CMIP: variants seen among roughly 807,000 people sequenced by gnomAD.
CMIP encodes c-Maf inducing protein.
CMIP carries 13 observed loss-of-function variants against 97.3 expected under a neutral mutation model. The observed-to-expected ratio is 0.13, with a 90% CI of 0.09 to 0.21. CMIP has a LOEUF of 0.21. Ranked by LOEUF, CMIP falls within the 10% of genes least tolerant of loss-of-function variation. The pLI, the probability that CMIP is intolerant of heterozygous loss-of-function variation, is 1.00. For missense variants in CMIP, 847 were observed against 1,024.9 expected (o/e 0.83, Z 2.37); for synonymous variants, 538 against 436.3 (o/e 1.23, Z -2.91).
intron 14 of CMIP, chr16:81,697,570 A>C: frequency 6.6e-6 from 1 of 152,230 alleles, no homozygotes; most frequent in Non-Finnish European, 1.5e-5. Flanking sequence ...TGCCAGCTTC[A>C]GCCCCTCGTC....
At chr16:81,545,653 A>G (rs1014849494) in intron 1 of CMIP, among the ~76,000 whole-genome samples, 10 of 152,100 alleles carry the variant, frequency 6.6e-5, no homozygotes, top group Admixed American at 6.6e-4. Flanking sequence ...GCTCACGGTA[A>G]AACTAGGGCA....
At chr16:81,584,134 G>A (rs889796501) in intron 1 of CMIP, among the ~76,000 whole-genome samples, 2 of 152,110 alleles carry the variant, frequency 1.3e-5, no homozygotes, top group Non-Finnish European at 2.9e-5. Context: ...AGCAGTAGGC[G>A]TGGTTGCCAC....
chr16:81,683,918 G>A (rs995800888), intron 10 of CMIP, among the ~76,000 whole-genome samples: 2 of 151,198 alleles, frequency 1.3e-5, no homozygotes, highest in African/African-American at 4.9e-5. Context: ...CTACCGCCTA[G>A]CCCGGCTAAT....
At position 81,691,803 on chromosome 16, in the gene CMIP, C is replaced by T. The variant is rs1252063247; in HGVS notation, c.1417C>T (p.Leu473=). 5.0e-6 allele frequency: 8 copies of T among 1,613,874 alleles called. No individual in the cohort carries two copies. The highest frequency in any genetic ancestry group is 6.8e-6 in the Non-Finnish European group (8 of 1,179,874). ...LSDYDDWRPS[L]ASLLQPIPFP... is the part of the protein sequence containing the mutation. Reference sequence around the variant, plus strand: ...AGACTATGATGACTGGAGACCGTCTCTGGCCAGTTTGCTTCAACCCATTCC... The same window carrying T: ...AGACTATGATGACTGGAGACCGTCTTTGGCCAGTTTGCTTCAACCCATTCC... Residue 473 remains leucine (L), a synonymous_variant, in exon 11 of 21, where the codon CTG becomes TTG. Transcript: ENST00000537098.
At chr16:81,667,789 AGAGAGAGAGAGTGTGTGTGTGT>A (rs1393016113) in intron 7 of CMIP, among the ~76,000 whole-genome samples, 8 of 109,400 alleles carry the variant, frequency 7.3e-5, no homozygotes, top group African/African-American at 2.6e-4. Context: ...AGAGAGAGAG[AGAGAGAGAGAGTGTGTGTGTGT>A]GTGTGTGTGT....
At chr16:81,477,033 G>A (rs1907967542) in intron 1 of CMIP, among the ~76,000 whole-genome samples, 1 of 151,982 alleles carries the variant, frequency 6.6e-6, no homozygotes, top group African/African-American at 2.4e-5. Context: ...TTTTTATCTC[G>A]TGGGGCTAAT....
chr16:81,689,237 T>A (rs1312157934), intron 10 of CMIP, among the ~76,000 whole-genome samples: 1 of 152,248 alleles, frequency 6.6e-6, no homozygotes, highest in African/African-American at 2.4e-5. Flanking sequence ...CTCCACACTG[T>A]CTTCCACAAT....
At chr16:81,525,966 G>C (rs1474929182) in intron 1 of CMIP, among the ~76,000 whole-genome samples, 2 of 146,078 alleles carry the variant, frequency 1.4e-5, no homozygotes, top group East Asian at 4.0e-4. Flanking sequence ...TTTAAAGGTT[G>C]ACTAATAATA....
chr16:81,628,241 G>T (rs893003044), intron 3 of CMIP, among the ~76,000 whole-genome samples: 4 of 152,118 alleles, frequency 2.6e-5, no homozygotes, highest in African/African-American at 9.7e-5. Context: ...GCCTCCCTGG[G>T]GAAGAGCCAC....
At chr16:81,653,151 G>A (rs1263955702) in intron 4 of CMIP, among the ~76,000 whole-genome samples, 2 of 152,190 alleles carry the variant, frequency 1.3e-5, no homozygotes, top group African/African-American at 4.8e-5. Flanking sequence ...TTGCTCACCT[G>A]GCCCTCTGGG....
chr16:81,544,423 G>A (rs904915516), intron 1 of CMIP, among the ~76,000 whole-genome samples: 6 of 143,508 alleles, frequency 4.2e-5, no homozygotes, highest in Admixed American at 2.1e-4. Context: ...ATCCTCAGGG[G>A]GTAAGTGTGT....
At position 81,527,310 on chromosome 16, in the gene CMIP, T is replaced by A. The variant is rs1298185628; in HGVS notation, c.301-80257T>A. On this transcript the variant is annotated intron_variant, in intron 1 of 20. Transcript: ENST00000537098. ...CACAGCCTGCATGCCAGAAATATCA[T>A]TTATCGTCAGTAATAATGATAATGC... is the stretch of plus-strand genomic sequence containing the variant. 3.3e-5 allele frequency among the ~76,000 whole-genome samples: 5 copies of A among 152,110 alleles called. No individual in the cohort carries two copies. In the East Asian group the frequency reaches 9.6e-4, roughly 29 times the overall value.
chr16:81,478,797 G>T (rs1347352663), intron 1 of CMIP, among the ~76,000 whole-genome samples: 2 of 152,198 alleles, frequency 1.3e-5, no homozygotes, highest in African/African-American at 4.8e-5. Context: ...CACTCAGGGA[G>T]GGGAGCAGGA....
At chr16:81,480,280 C>G (rs1908178586) in intron 1 of CMIP, among the ~76,000 whole-genome samples, 2 of 152,236 alleles carry the variant, frequency 1.3e-5, no homozygotes, top group African/African-American at 4.8e-5. Flanking sequence ...TGGCTCACGC[C>G]TGTAATCCCA....
chr16:81,479,170 A>G (rs559448920), intron 1 of CMIP, among the ~76,000 whole-genome samples: 3 of 152,326 alleles, frequency 2.0e-5, no homozygotes, highest in African/African-American at 7.2e-5. Context: ...CAGAGAAAAC[A>G]CATGCGTAGC....
At position 81,495,586 on chromosome 16, in the gene CMIP, A is replaced by T; in HGVS notation, c.300+50045A>T. The T allele has an allele frequency of 2.2e-6, 3 of 1,364,342 alleles. No individual in the cohort carries two copies. The South Asian group carries it at 3.7e-5, about 17-fold the overall frequency. 84.5% of individuals were successfully genotyped at this position (1,364,342 alleles called of 1,614,324 possible). A position where few individuals can be genotyped will look rare whatever the true frequency, so the allele number is the denominator to read the frequency against. ...TGCTGGCCACAGGCCAGTGAAATTCACAGACCCACTTCTCAGAGGGTGGGC... is the reference window on the plus strand; with the variant it reads ...TGCTGGCCACAGGCCAGTGAAATTCTCAGACCCACTTCTCAGAGGGTGGGC... On this transcript the variant is annotated intron_variant, in intron 1 of 20. Coordinates refer to ENST00000537098, the MANE Select transcript of CMIP (RefSeq NM_198390.3).
chr16:81,569,281 T>C (rs535907128), intron 1 of CMIP, among the ~76,000 whole-genome samples: 1 of 152,322 alleles, frequency 6.6e-6, no homozygotes, highest in Admixed American at 6.5e-5. Flanking sequence ...GGGGTTCCAT[T>C]GTTCCACTTC....
At chr16:81,530,440 A>G (rs989320768) in intron 1 of CMIP, among the ~76,000 whole-genome samples, 1 of 151,694 alleles carries the variant, frequency 6.6e-6, no homozygotes, top group Non-Finnish European at 1.5e-5. Context: ...GTACTTTTCT[A>G]AAGTCAAACA....
At chr16:81,543,831 C>T (rs2090493408) in intron 1 of CMIP, among the ~76,000 whole-genome samples, 1 of 152,164 alleles carries the variant, frequency 6.6e-6, no homozygotes, top group Non-Finnish European at 1.5e-5. Flanking sequence ...AATCAACTTC[C>T]ACTAGTCCAG....
Sources: gnomAD v4.1 joint callset for allele counts (sites outside exome capture counted in the v4.1 genomes callset) on GRCh38, gnomAD v4.1.1 for gene constraint, MANE v1.5 for transcripts, NCBI Gene and HGNC (gene_info 2026-07-23, HGNC 2026-07-21) for gene names.